The following COL23A1 variants were observed in gnomAD, a reference collection of about 807,000 sequenced individuals.
COL23A1 encodes the protein collagen alpha-1(XXIII) chain.
A neutral mutation model predicts 99.3 loss-of-function variants in COL23A1; 97 were observed. The observed-to-expected ratio is 0.98, with a 90% confidence interval of 0.83 to 1.16. The LOEUF (loss-of-function observed/expected upper bound fraction) is 1.16. Ranked by LOEUF, COL23A1 falls within the 50% of genes most tolerant of loss-of-function variation. The pLI, the probability that COL23A1 is intolerant of heterozygous loss-of-function variation, is 0.00. For synonymous variants in COL23A1, 320 were observed against 308.2 expected (o/e 1.04, Z -0.40); for missense variants, 762 against 757.4 (o/e 1.01, Z -0.07).
At position 178,519,077 on chromosome 5, in the gene COL23A1, G is replaced by A. The variant is rs559730705; in HGVS notation, c.361+41605C>T. On this transcript the variant is annotated intron_variant, in intron 2 of 28. Coordinates refer to ENST00000390654, the MANE Select transcript of COL23A1 (RefSeq NM_173465.4). ...ACCACCACCCGCGGCCACCATGGCC[G>A]GACGGGCTCCCTAAGCCACCGACCC... 3.3e-5 allele frequency among the ~76,000 whole-genome samples: 5 copies of A among 152,008 alleles called. No homozygotes were observed. The South Asian group carries it at 8.3e-4, about 25-fold the overall frequency.
chr5:178,450,274 A>G (rs1220085900), intron 2 of COL23A1, among the ~76,000 whole-genome samples: 2 of 152,046 alleles, frequency 1.3e-5, no homozygotes, highest in African/African-American at 4.8e-5. Flanking sequence ...CCCTTCTTCT[A>G]TGGTAAGAAA....
rs1408003184 is a variant in COL23A1, at chr5:178,313,816, TC to T, written c.362-6898del. 1.3e-5 allele frequency among the ~76,000 whole-genome samples: 2 copies of T among 152,110 alleles called. No homozygotes were observed. Among genetic ancestry groups the T allele is most frequent in the African/African-American group, 4.8e-5 (2 of 41,412 alleles). On this transcript the variant is annotated intron_variant, in intron 2 of 28. Coordinates refer to ENST00000390654, the MANE Select transcript of COL23A1 (RefSeq NM_173465.4). The surrounding 1 kb of genome is among the most constrained non-coding windows in gnomAD (Gnocchi z 4.2). ...GGAGCTCTATGAGATTGCTGGGGCT[TC>T]AGGGCCATCAGGGGGTGCACCTTGA... is the stretch of plus-strand genomic sequence containing the variant.
intron 1 of COL23A1, among the ~76,000 whole-genome samples, chr5:178,578,219 CAT>C (rs1032880610): frequency 1.1e-4 from 17 of 152,090 alleles, no homozygotes; most frequent in South Asian, 8.3e-4. Context: ...TGTACACACA[CAT>C]ATGCACACAT....
chr5:178,335,984 T>A (rs966436835), intron 2 of COL23A1, among the ~76,000 whole-genome samples: 1 of 152,358 alleles, frequency 6.6e-6, no homozygotes, highest in East Asian at 1.9e-4. Flanking sequence ...GGTGTCTGTT[T>A]CTGAGGTTCG....
chr5:178,435,844 G>A (rs6601236), intron 2 of COL23A1, among the ~76,000 whole-genome samples: 37,938 of 152,116 alleles, frequency 0.25, 8,979 homozygotes, highest in African/African-American at 0.62. Flanking sequence ...CAGATGACGC[G>A]CAGAATCGTC....
chr5:178,512,535 C>T (rs1206117925), intron 2 of COL23A1, among the ~76,000 whole-genome samples: 5 of 152,118 alleles, frequency 3.3e-5, no homozygotes, highest in African/African-American at 1.2e-4. Context: ...AAAGGGGCAA[C>T]AGAAAGGTGT....
In COL23A1 at chr5:178,567,514, G is replaced by C. The variant is rs183425790; in HGVS notation, c.295-6766C>G. On this transcript the variant is annotated intron_variant, in intron 1 of 28. Coordinates refer to ENST00000390654, the MANE Select transcript of COL23A1 (RefSeq NM_173465.4). ...TCCCAGCAATTTGGGACACCAGGAC[G>C]GGCAGATTACTTGAGGTCAGGAGTT... is the stretch of plus-strand genomic sequence containing the variant. Among the ~76,000 whole-genome samples the C allele has an allele frequency of 2.0e-4, 31 of 152,268 alleles. No homozygotes were observed. In the East Asian group the frequency reaches 4.4e-3, roughly 22 times the overall value.
intron 2 of COL23A1, among the ~76,000 whole-genome samples, chr5:178,524,320 G>A (rs1760189215): frequency 6.6e-6 from 1 of 152,186 alleles, no homozygotes; most frequent in African/African-American, 2.4e-5. Flanking sequence ...GCTCTCCCCA[G>A]TGGAAAGAGA....
chr5:178,510,340 C>T (rs1759132972), intron 2 of COL23A1, among the ~76,000 whole-genome samples: 1 of 152,016 alleles, frequency 6.6e-6, no homozygotes, highest in African/African-American at 2.4e-5. Context: ...TCAGGAGTTC[C>T]GGACCAGCCT....
At chr5:178,397,262 GGGGAGACAAAGCAAAAGAAAACGGCA>G (rs1764200481) in intron 2 of COL23A1, among the ~76,000 whole-genome samples, 1 of 152,202 alleles carries the variant, frequency 6.6e-6, no homozygotes, top group Non-Finnish European at 1.5e-5. Context: ...CAGAGCTGAG[GGGGAGACAAAGCAAAAGAAAACGGCA>G]GGGATGCTGC....
chr5:178,415,272 C>G lies in COL23A1; in HGVS notation c.362-108353G>C, dbSNP rs1036119923. ...TGCCAGTTACAGTGCTCAGTGGGGA[C>G]GAGCCCGCCTTGCTGGGTGAGTGAC... is the stretch of plus-strand genomic sequence containing the variant. On this transcript the variant is annotated intron_variant, in intron 2 of 28. Coordinates refer to ENST00000390654, the MANE Select transcript of COL23A1 (RefSeq NM_173465.4). The surrounding 1 kb of genome is among the most constrained non-coding windows in gnomAD (Gnocchi z 4.6). 6.6e-6 allele frequency among the ~76,000 whole-genome samples: 1 copy of G among 152,180 alleles called. No homozygotes were observed. Among genetic ancestry groups the G allele is most frequent in the African/African-American group, 2.4e-5 (1 of 41,442 alleles).
At chr5:178,321,805 T>G (rs188951706) in intron 2 of COL23A1, among the ~76,000 whole-genome samples, 1 of 149,732 alleles carries the variant, frequency 6.7e-6, no homozygotes, top group African/African-American at 2.5e-5. Flanking sequence ...CCTTCCTTTT[T>G]AAGGCTGAAT....
chr5:178,401,947 C>G (rs1764471079), intron 2 of COL23A1, among the ~76,000 whole-genome samples: 1 of 152,156 alleles, frequency 6.6e-6, no homozygotes, highest in African/African-American at 2.4e-5. Context: ...TCCCAAGTAG[C>G]TGGGATTACA....
chr5:178,351,408 G>A (rs1444861909), intron 2 of COL23A1, among the ~76,000 whole-genome samples: 3 of 152,192 alleles, frequency 2.0e-5, no homozygotes, highest in African/African-American at 7.2e-5. Flanking sequence ...GTGCCTTGGC[G>A]AGCCTTGCTG....
At chr5:178,457,441 C>G (rs1029557202) in intron 2 of COL23A1, among the ~76,000 whole-genome samples, 2 of 152,174 alleles carry the variant, frequency 1.3e-5, no homozygotes, top group Non-Finnish European at 2.9e-5. Context: ...TTTCGAACCC[C>G]TGACCTCAAG....
chr5:178,447,187 A>G (rs1356773517), intron 2 of COL23A1, among the ~76,000 whole-genome samples: 1 of 151,720 alleles, frequency 6.6e-6, no homozygotes, highest in East Asian at 1.9e-4. Context: ...TCCATCTCCC[A>G]GGTTCAAGCG....
At chr5:178,370,736 T>A (rs1019143748) in intron 2 of COL23A1, among the ~76,000 whole-genome samples, 1 of 152,158 alleles carries the variant, frequency 6.6e-6, no homozygotes, top group Non-Finnish European at 1.5e-5. Flanking sequence ...TTCAATCTAG[T>A]CCATCCTAAA....
In COL23A1 at chr5:178,363,410, C is replaced by T. The variant is rs116733164; in HGVS notation, c.362-56491G>A. ...TACCTCCTGGCTGACACAGTGCACT[C>T]ACTCATTCACTGATTCACTCACTCC... On this transcript the variant is annotated intron_variant, in intron 2 of 28. Coordinates refer to ENST00000390654, the MANE Select transcript of COL23A1 (RefSeq NM_173465.4). 5.5e-3 allele frequency among the ~76,000 whole-genome samples: 832 copies of T among 152,320 alleles called. 9 individuals carry two copies. The highest frequency in any genetic ancestry group is 0.019 in the African/African-American group (782 of 41,574).
chr5:178,463,229 A>T (rs58862667), intron 2 of COL23A1, among the ~76,000 whole-genome samples: 3,556 of 152,370 alleles, frequency 0.023, 166 homozygotes, highest in African/African-American at 0.081. Context: ...GCTAGGTAAG[A>T]TGCAAGTAAA....
Sources: gnomAD v4.1 joint callset for allele counts (sites outside exome capture counted in the v4.1 genomes callset) on GRCh38, gnomAD v4.1.1 for gene constraint, Gnocchi (gnomAD v3.1) non-coding constraint, MANE v1.5 for transcripts, NCBI Gene and HGNC (gene_info 2026-07-23, HGNC 2026-07-21) for gene names.